EYS: variants seen among roughly 807,000 people sequenced by gnomAD.
The protein encoded by EYS is EGF-like photoreceptor maintenance factor, also known as protein eyes shut homolog.
Under a neutral mutation model 282.1 loss-of-function variants are expected in EYS, and 250 were observed. The observed-to-expected ratio is 0.89, with a 90% CI of 0.80 to 0.98. EYS has a LOEUF of 0.98. Among genes scored for constraint, EYS ranks in the 50% least tolerant of loss-of-function variants. The pLI is 0.00. For synonymous variants in EYS, 1,355 were observed against 1,282.9 expected, an observed-to-expected ratio of 1.06 and a Z score of -1.20; for missense variants, 4,016 against 3,709.0, an observed-to-expected ratio of 1.08 and a Z score of -2.15.
At chr6:63,873,667 T>C (rs1426323067) in intron 35 of EYS, among the ~76,000 whole-genome samples, 1 of 152,174 alleles carries the variant, frequency 6.6e-6, no homozygotes, top group African/African-American at 2.4e-5. Flanking sequence ...CAGCACCTGT[T>C]GTTTCCTGAC....
intron 12 of EYS, among the ~76,000 whole-genome samples, chr6:65,207,460 A>T (rs1766064779): frequency 6.6e-6 from 1 of 151,884 alleles, no homozygotes; most frequent in South Asian, 2.1e-4. Flanking sequence ...TGCCCAAAGC[A>T]GTCTACAGAT....
At chr6:64,251,761 G>C (rs1045772632) in intron 30 of EYS, among the ~76,000 whole-genome samples, 2 of 152,080 alleles carry the variant, frequency 1.3e-5, no homozygotes, top group Non-Finnish European at 2.9e-5. Context: ...AGTATGCAAA[G>C]ATTATCTGGT....
intron 41 of EYS, among the ~76,000 whole-genome samples, chr6:63,756,353 C>A (rs1400705963): frequency 6.6e-6 from 1 of 152,144 alleles, no homozygotes; most frequent in African/African-American, 2.4e-5. Flanking sequence ...TGAATTTTGT[C>A]AAAGGCCTTT....
At chr6:64,271,303 A>G (rs964377078) in intron 30 of EYS, among the ~76,000 whole-genome samples, 1 of 151,802 alleles carries the variant, frequency 6.6e-6, no homozygotes, top group Non-Finnish European at 1.5e-5. Flanking sequence ...TACACAGCCA[A>G]TTTTTCTATT....
At chr6:64,860,718 C>T (rs1256768744) in intron 19 of EYS, among the ~76,000 whole-genome samples, 1 of 152,196 alleles carries the variant, frequency 6.6e-6, no homozygotes, top group Non-Finnish European at 1.5e-5. Context: ...TGTGTTACAG[C>T]TCTTTCAGCT....
intron 31 of EYS, among the ~76,000 whole-genome samples, chr6:64,110,103 A>G (rs1773156252): frequency 6.6e-6 from 1 of 152,030 alleles, no homozygotes; most frequent in African/African-American, 2.4e-5. Context: ...ATAAAAATAC[A>G]TTGTAAAGTG....
intron 1 of EYS, among the ~76,000 whole-genome samples, chr6:65,654,085 C>A (rs191228035): frequency 6.6e-6 from 1 of 152,018 alleles, no homozygotes; most frequent in African/African-American, 2.4e-5. Context: ...TTGTTTTTAG[C>A]ATGCCCACTA....
chr6:65,686,932 T>A (rs1769039980), intron 1 of EYS, among the ~76,000 whole-genome samples: 1 of 152,050 alleles, frequency 6.6e-6, no homozygotes, highest in Non-Finnish European at 1.5e-5. Flanking sequence ...TTTTTTTTAA[T>A]GTTATAGGCT....
intron 36 of EYS, among the ~76,000 whole-genome samples, chr6:63,817,384 G>T (rs1049843403): frequency 6.6e-6 from 1 of 152,186 alleles, no homozygotes; most frequent in African/African-American, 2.4e-5. Flanking sequence ...CCCAAGAGCT[G>T]CAACCTCCTG....
At chr6:64,188,956 T>C (rs1765025840) in intron 31 of EYS, among the ~76,000 whole-genome samples, 1 of 152,170 alleles carries the variant, frequency 6.6e-6, no homozygotes, top group African/African-American at 2.4e-5. Context: ...AATACCTTGA[T>C]AGATATTCTT....
chr6:65,384,498 C>T lies in EYS; in HGVS notation c.1187G>A (p.Cys396Tyr). 2.0e-6 allele frequency: 3 copies of T among 1,497,584 alleles called. No homozygotes were observed. The highest frequency in any genetic ancestry group is 2.8e-6 in the Non-Finnish European group (3 of 1,077,156). 92.8% of individuals were successfully genotyped at this position (1,497,584 alleles called of 1,614,324 possible). ...KKCEKDYPCS[C>Y]ISGFTEKNCE... ...GTTTTTTTCAGTAAATCCTGATATA[C>T]AGCTGTAAATACATCAGTGTAAATT... The change falls in exon 8 of 43, where the codon TGT becomes TAT. Residue 396 changes from cysteine (C) to tyrosine (Y), a missense_variant and splice_region_variant. By Grantham distance (194) the Cys-to-Tyr change is radical. Coordinates refer to ENST00000503581, the MANE Select transcript of EYS (RefSeq NM_001142800.2).
chr6:64,011,861 T>G (rs75797743), intron 33 of EYS, among the ~76,000 whole-genome samples: 3,263 of 152,312 alleles, frequency 0.021, 99 homozygotes, highest in African/African-American at 0.064. Context: ...ATGATGATAC[T>G]GAATGCTTTC....
chr6:64,388,272 T>G (rs36177923), intron 29 of EYS, among the ~76,000 whole-genome samples: 4,728 of 152,254 alleles, frequency 0.031, 232 homozygotes, highest in African/African-American at 0.11. Context: ...CACATTTTGG[T>G]AATCTCATAC....
chr6:65,617,249 G>A (rs994212043), intron 2 of EYS, among the ~76,000 whole-genome samples: 5 of 151,998 alleles, frequency 3.3e-5, no homozygotes, highest in Non-Finnish European at 7.4e-5. Context: ...TAATTCAGCA[G>A]GTTGACAATA....
intron 30 of EYS, among the ~76,000 whole-genome samples, chr6:64,262,911 C>T (rs1404165224): frequency 6.6e-6 from 1 of 151,876 alleles, no homozygotes; most frequent in Non-Finnish European, 1.5e-5. Flanking sequence ...TTTTTAATGT[C>T]TTTATTCTTC....
intron 19 of EYS, among the ~76,000 whole-genome samples, chr6:64,833,598 T>TAAC (rs1006852316): frequency 3.1e-4 from 47 of 152,030 alleles, no homozygotes; most frequent in African/African-American, 1.0e-3. Flanking sequence ...AAGATACATA[T>TAAC]AACAACAAAA....
intron 15 of EYS, among the ~76,000 whole-genome samples, chr6:64,943,417 CTGGTGATATGA>C (rs1769166003): frequency 6.6e-6 from 1 of 152,060 alleles, no homozygotes; most frequent in South Asian, 2.1e-4. Flanking sequence ...TCTCTCCTTA[CTGGTGATATGA>C]TTCTACACCT....
intron 29 of EYS, among the ~76,000 whole-genome samples, chr6:64,315,504 T>C (rs1218221831): frequency 6.7e-6 from 1 of 149,936 alleles, no homozygotes; most frequent in African/African-American, 2.5e-5. Context: ...TGAACGTCGA[T>C]GAGAAAATCC....
intron 35 of EYS, among the ~76,000 whole-genome samples, chr6:63,955,436 A>G (rs1444565695): frequency 2.0e-5 from 3 of 152,142 alleles, no homozygotes; most frequent in Non-Finnish European, 4.4e-5. Flanking sequence ...CACCCTGATG[A>G]AGTCCTATTC....
Sources: gnomAD v4.1 joint callset for allele counts (sites outside exome capture counted in the v4.1 genomes callset) on GRCh38, gnomAD v4.1.1 for gene constraint, MANE v1.5 for transcripts, NCBI Gene and HGNC (gene_info 2026-07-23, HGNC 2026-07-21) for gene names.